The following RNLS variants were observed in gnomAD, a reference collection of about 807,000 sequenced individuals.
RNLS encodes renalase, FAD dependent amine oxidase.
RNLS carries 39 observed loss-of-function variants against 39.8 expected under a neutral mutation model. The observed-to-expected ratio is 0.98, with a 90% CI of 0.76 to 1.28. RNLS has a LOEUF of 1.28. Ranked by LOEUF, RNLS falls within the 50% of genes most tolerant of loss-of-function variation. RNLS has a pLI of 0.00. For missense variants in RNLS, 410 were observed against 413.3 expected (o/e 0.99, Z 0.07); for synonymous variants, 147 against 150.7 (o/e 0.98, Z 0.18).
intron 4 of RNLS, among the ~76,000 whole-genome samples, chr10:88,450,855 G>A (rs1564809555): frequency 1.3e-5 from 2 of 152,192 alleles, no homozygotes; most frequent in Non-Finnish European, 2.9e-5. Flanking sequence ...CATGAGTTGT[G>A]AGTATAAATA....
intron 4 of RNLS, among the ~76,000 whole-genome samples, chr10:88,476,667 T>C (rs1038320270): frequency 3.9e-5 from 6 of 152,172 alleles, no homozygotes; most frequent in African/African-American, 1.4e-4. Context: ...CCTCACTAAG[T>C]TGATGTTTTA....
chr10:88,489,737 T>G (rs1844778652), intron 4 of RNLS, among the ~76,000 whole-genome samples: 1 of 152,210 alleles, frequency 6.6e-6, no homozygotes, highest in South Asian at 2.1e-4. Flanking sequence ...CCATGTCTGT[T>G]GGATCTGTAA....
intron 4 of RNLS, among the ~76,000 whole-genome samples, chr10:88,429,079 A>T (rs1044935637): frequency 5.3e-5 from 8 of 152,026 alleles, no homozygotes; most frequent in African/African-American, 1.9e-4. Context: ...CTTTAAAAAA[A>T]ATCAGGGACC....
chr10:88,575,282 G>GTATA (rs534423514), intron 3 of RNLS, among the ~76,000 whole-genome samples: 3 of 135,870 alleles, frequency 2.2e-5, no homozygotes, highest in Non-Finnish European at 3.1e-5. Context: ...GTGTGTGTGT[G>GTATA]TATATATATA....
At chr10:88,405,296 A>G (rs1365663647) in intron 4 of RNLS, among the ~76,000 whole-genome samples, 1 of 151,972 alleles carries the variant, frequency 6.6e-6, no homozygotes, top group Non-Finnish European at 1.5e-5. Flanking sequence ...GATTATTTCA[A>G]TTTCCTACTC....
intron 6 of RNLS, among the ~76,000 whole-genome samples, chr10:88,286,859 C>T (rs1843309462): frequency 1.3e-5 from 2 of 150,886 alleles, no homozygotes. Flanking sequence ...ATGGCATGAT[C>T]ATAGCTCACT....
At chr10:88,232,041 T>C in the RNLS span, among the ~76,000 whole-genome samples, 2 of 152,128 alleles carry the variant, frequency 1.3e-5, no homozygotes, top group Non-Finnish European at 2.9e-5. Flanking sequence ...TTGTGAGATG[T>C]CTGTGGTGGT....
chr10:88,564,266 A>T (rs1447686499), intron 4 of RNLS, among the ~76,000 whole-genome samples: 1 of 152,058 alleles, frequency 6.6e-6, no homozygotes, highest in African/African-American at 2.4e-5. Flanking sequence ...CCTCCAATCT[A>T]GGAAAGAGAA....
intron 4 of RNLS, among the ~76,000 whole-genome samples, chr10:88,397,209 G>A (rs768419617): frequency 3.3e-5 from 5 of 151,934 alleles, no homozygotes; most frequent in Admixed American, 6.6e-5. Flanking sequence ...GATGAAGCCT[G>A]TGTTAGGCCA....
intron 4 of RNLS, among the ~76,000 whole-genome samples, chr10:88,513,010 T>C (rs1232676681): frequency 6.6e-6 from 1 of 152,168 alleles, no homozygotes; most frequent in African/African-American, 2.4e-5. Flanking sequence ...CGGAAGTATC[T>C]GGCCCAATAA....
downstream of RNLS, among the ~76,000 whole-genome samples, chr10:88,270,798 C>T (rs1842629007): frequency 6.6e-6 from 1 of 152,142 alleles, no homozygotes; most frequent in Non-Finnish European, 1.5e-5. Flanking sequence ...ACCCCAACTT[C>T]CAAGTAAATG....
chr10:88,433,334 G>A (rs1470593505), intron 4 of RNLS, among the ~76,000 whole-genome samples: 2 of 151,970 alleles, frequency 1.3e-5, no homozygotes, highest in Non-Finnish European at 2.9e-5. Flanking sequence ...AAGGCAGTGT[G>A]GTATAACCAT....
intron 4 of RNLS, among the ~76,000 whole-genome samples, chr10:88,394,127 C>T (rs547900919): frequency 1.3e-5 from 2 of 152,300 alleles, no homozygotes; most frequent in Admixed American, 1.3e-4. Flanking sequence ...AGGACATAGG[C>T]ATGGGCAAGG....
At chr10:88,305,466 T>A (rs925151036) in intron 6 of RNLS, among the ~76,000 whole-genome samples, 2 of 152,094 alleles carry the variant, frequency 1.3e-5, no homozygotes, top group Non-Finnish European at 2.9e-5. Context: ...CATGCAATGA[T>A]GCATATAGGC....
At chr10:88,562,253 C>CT (rs1849236723) in intron 4 of RNLS, among the ~76,000 whole-genome samples, 2 of 151,890 alleles carry the variant, frequency 1.3e-5, no homozygotes, top group Non-Finnish European at 2.9e-5. Flanking sequence ...CAAGGCATAG[C>CT]ATTTAATAGA....
chr10:88,299,633 A>G (rs1181906073), intron 6 of RNLS, among the ~76,000 whole-genome samples: 1 of 152,212 alleles, frequency 6.6e-6, no homozygotes, highest in Non-Finnish European at 1.5e-5. Flanking sequence ...TCAAAAAAAG[A>G]GAAATGTTTA....
chr10:88,314,701 C>T (rs763406296), intron 5 of RNLS, 60 bp from the exon 6 acceptor site: 75 of 1,472,222 alleles, frequency 5.1e-5, no homozygotes, highest in Non-Finnish European at 6.4e-5. Context: ...AAGCATCTCT[C>T]AGGATTTCAA....
intron 4 of RNLS, among the ~76,000 whole-genome samples, chr10:88,543,015 T>C (rs568604886): frequency 1.3e-5 from 2 of 152,234 alleles, no homozygotes; most frequent in African/African-American, 4.8e-5. Context: ...GACAACTCCA[T>C]GAGGAGTTTT....
At chr10:88,353,328 G>A (rs1848879607) in intron 5 of RNLS, among the ~76,000 whole-genome samples, 2 of 152,004 alleles carry the variant, frequency 1.3e-5, no homozygotes, top group South Asian at 4.2e-4. Context: ...GATCTTTCCT[G>A]CTTTCTCTTG....
Sources: gnomAD v4.1 joint callset for allele counts (sites outside exome capture counted in the v4.1 genomes callset) on GRCh38, gnomAD v4.1.1 for gene constraint, MANE v1.5 for transcripts, NCBI Gene and HGNC (gene_info 2026-07-23, HGNC 2026-07-21) for gene names.